Variants in CMIP observed in about 807,000 individuals in gnomAD.
CMIP encodes C-Maf-inducing protein.
A neutral mutation model predicts 97.3 loss-of-function variants in CMIP; 13 were observed. The observed-to-expected ratio is 0.13, with a 90% confidence interval of 0.09 to 0.21. The LOEUF is 0.21. Ranked by LOEUF, CMIP falls within the 10% of genes least tolerant of loss-of-function variation. The pLI is 1.00. For missense variants in CMIP, 847 were observed against 1,024.9 expected, an observed-to-expected ratio of 0.83 and a Z score of 2.37; for synonymous variants, 538 against 436.3, an observed-to-expected ratio of 1.23 and a Z score of -2.91.
chr16:81,693,746 G>A (rs947166107), intron 13 of CMIP, among the ~76,000 whole-genome samples: 1 of 152,184 alleles, frequency 6.6e-6, no homozygotes, highest in Non-Finnish European at 1.5e-5. Context: ...CCTTGATTTC[G>A]GGCTGGGCTG....
intron 1 of CMIP, among the ~76,000 whole-genome samples, chr16:81,593,788 TGAG>T (rs906426448): frequency 1.3e-5 from 2 of 152,116 alleles, no homozygotes; most frequent in African/African-American, 4.8e-5. Flanking sequence ...AGCACCCTCT[TGAG>T]GAGTCTGGGG....
At chr16:81,620,852 G>A in intron 2 of CMIP, 24 bp from the exon 3 acceptor site, 1 of 1,613,854 alleles carries the variant, frequency 6.2e-7, no homozygotes, top group Non-Finnish European at 8.5e-7. Context: ...ACCGGACCTT[G>A]CTGTCCTGTT....
intron 1 of CMIP, among the ~76,000 whole-genome samples, chr16:81,472,360 G>T (rs568145365): frequency 6.6e-6 from 1 of 152,332 alleles, no homozygotes; most frequent in East Asian, 1.9e-4. Context: ...GCTTCGTGAA[G>T]ATGAGCTGTT....
At chr16:81,661,593 C>G (rs1013295072) in intron 6 of CMIP, among the ~76,000 whole-genome samples, 1 of 152,238 alleles carries the variant, frequency 6.6e-6, no homozygotes, top group Non-Finnish European at 1.5e-5. Flanking sequence ...CATCCCTCCC[C>G]GCTCCCATTA....
chr16:81,568,940 G>T (rs557934175), intron 1 of CMIP, among the ~76,000 whole-genome samples: 1 of 152,196 alleles, frequency 6.6e-6, no homozygotes, highest in Admixed American at 6.5e-5. Flanking sequence ...AGGGGAAAAG[G>T]TGCAAAGAAC....
At chr16:81,645,680 C>G in intron 3 of CMIP, 1 of 1,474,672 alleles carries the variant, frequency 6.8e-7, no homozygotes, top group Non-Finnish European at 9.2e-7. Context: ...GCAGGAGGCT[C>G]TGCCTGCTGT....
At chr16:81,643,965 T>A (rs769081580) in intron 3 of CMIP, among the ~76,000 whole-genome samples, 6 of 152,088 alleles carry the variant, frequency 3.9e-5, no homozygotes, top group Non-Finnish European at 8.8e-5. Flanking sequence ...CCCTGTGTGA[T>A]TCCCGGAGGC....
chr16:81,495,401 C>T, intron 1 of CMIP: 1 of 1,562,260 alleles, frequency 6.4e-7, no homozygotes, highest in South Asian at 1.2e-5. Context: ...GAACAACAAA[C>T]CAAGCCGGCC....
chr16:81,613,083 C>G (rs958575409), intron 2 of CMIP, among the ~76,000 whole-genome samples: 4 of 152,196 alleles, frequency 2.6e-5, no homozygotes, highest in African/African-American at 4.8e-5. Context: ...CAGCGTATGT[C>G]CTCCTTCAAA....
At chr16:81,515,457 C>G (rs1163688957) in intron 1 of CMIP, among the ~76,000 whole-genome samples, 2 of 152,130 alleles carry the variant, frequency 1.3e-5, no homozygotes, top group Non-Finnish European at 2.9e-5. Flanking sequence ...TGGGCGGGCA[C>G]CACTGGGCTT....
At chr16:81,664,017 G>A (rs531600655) in intron 6 of CMIP, among the ~76,000 whole-genome samples, 6 of 152,284 alleles carry the variant, frequency 3.9e-5, no homozygotes, top group South Asian at 4.1e-4. Flanking sequence ...TGCAGTGATC[G>A]TTGGGGAGGC....
intron 4 of CMIP, among the ~76,000 whole-genome samples, chr16:81,654,398 T>A (rs1024474351): frequency 6.6e-6 from 1 of 152,184 alleles, no homozygotes; most frequent in Non-Finnish European, 1.5e-5. Context: ...GGGTGCTTCT[T>A]GGGCTTTAAA....
chr16:81,582,417 G>A (rs2091311204), intron 1 of CMIP, among the ~76,000 whole-genome samples: 1 of 152,134 alleles, frequency 6.6e-6, no homozygotes, highest in Admixed American at 6.5e-5. Flanking sequence ...AGGGATGTGT[G>A]GGGACTGGGA....
At chr16:81,471,586 C>A (rs1597457085) in intron 1 of CMIP, among the ~76,000 whole-genome samples, 1 of 152,176 alleles carries the variant, frequency 6.6e-6, no homozygotes, top group Non-Finnish European at 1.5e-5. Flanking sequence ...AATACACACA[C>A]ACACACAGTT....
At chr16:81,597,888 G>A (rs977606952) in intron 1 of CMIP, among the ~76,000 whole-genome samples, 1 of 152,064 alleles carries the variant, frequency 6.6e-6, no homozygotes, top group African/African-American at 2.4e-5. Flanking sequence ...TGATGGCAGA[G>A]CCGTGTCCCT....
chr16:81,530,807 C>G (rs1174207224), intron 1 of CMIP, among the ~76,000 whole-genome samples: 1 of 152,110 alleles, frequency 6.6e-6, no homozygotes, highest in African/African-American at 2.4e-5. Flanking sequence ...AGGCACGTAC[C>G]CTCTTTTACA....
At chr16:81,674,590 G>T (rs1483173883) in intron 9 of CMIP, among the ~76,000 whole-genome samples, 1 of 152,174 alleles carries the variant, frequency 6.6e-6, no homozygotes, top group Non-Finnish European at 1.5e-5. Flanking sequence ...GCAGATCAGG[G>T]CTTCTTTTTT....
At chr16:81,668,654 C>T (rs2092637796) in intron 7 of CMIP, among the ~76,000 whole-genome samples, 1 of 152,118 alleles carries the variant, frequency 6.6e-6, no homozygotes, top group South Asian at 2.1e-4. Flanking sequence ...CCTAGCGTGG[C>T]ACAGATGGGG....
intron 1 of CMIP, among the ~76,000 whole-genome samples, chr16:81,480,026 C>T (rs777628066): frequency 6.6e-6 from 1 of 152,140 alleles, no homozygotes; most frequent in Non-Finnish European, 1.5e-5. Context: ...TCTTCGTAAC[C>T]CCCAAAACCC....
Sources: allele counts gnomAD v4.1 joint callset (sites outside exome capture counted in the v4.1 genomes callset), GRCh38; gene constraint gnomAD v4.1.1; transcripts MANE v1.5; gene names NCBI Gene and HGNC (gene_info 2026-07-23, HGNC 2026-07-21).